The following ADAM23 variants were observed in gnomAD, a reference collection of about 807,000 sequenced individuals.
ADAM23 encodes disintegrin and metalloproteinase domain-containing protein 23.
In ADAM23, 33 loss-of-function variants were observed where a neutral mutation model predicts 120.1. The observed-to-expected ratio is 0.27, with a 90% CI of 0.21 to 0.37. The LOEUF is 0.37. Ranked by LOEUF, ADAM23 falls within the 10% of genes least tolerant of loss-of-function variation. ADAM23 has a pLI of 1.00. For missense variants in ADAM23, 862 were observed against 1,058.2 expected (o/e 0.81, Z 2.57); for synonymous variants, 367 against 375.2 (o/e 0.98, Z 0.25).
At chr2:206,489,922 A>G (rs1460413049) in intron 3 of ADAM23, among the ~76,000 whole-genome samples, 2 of 152,226 alleles carry the variant, frequency 1.3e-5, no homozygotes, top group Non-Finnish European at 2.9e-5. Flanking sequence ...AGGATTGAAA[A>G]TAATGCTGTT....
At chr2:206,575,441 A>AT (rs1376703423) in intron 18 of ADAM23, among the ~76,000 whole-genome samples, 5 of 152,114 alleles carry the variant, frequency 3.3e-5, no homozygotes, top group Non-Finnish European at 7.3e-5. Flanking sequence ...GGGTATTTAG[A>AT]TTTTGGCAGT....
chr2:206,523,209 A>G (rs949453248), intron 3 of ADAM23, among the ~76,000 whole-genome samples: 4 of 152,176 alleles, frequency 2.6e-5, no homozygotes, highest in African/African-American at 9.7e-5. Flanking sequence ...ATTATGGCTA[A>G]TGGGACCATT....
intron 24 of ADAM23, among the ~76,000 whole-genome samples, chr2:206,602,714 A>G (rs913350380): frequency 6.6e-6 from 1 of 152,220 alleles, no homozygotes; most frequent in African/African-American, 2.4e-5. Context: ...AAATGTCTGA[A>G]GCATGACATG....
At chr2:206,496,174 A>C (rs577667094) in intron 3 of ADAM23, among the ~76,000 whole-genome samples, 14 of 152,176 alleles carry the variant, frequency 9.2e-5, no homozygotes, top group South Asian at 2.1e-4. Flanking sequence ...ACAGAACTCT[A>C]CACCCCAAAT....
chr2:206,488,442 C>T (rs1437551215), intron 3 of ADAM23, among the ~76,000 whole-genome samples: 2 of 152,042 alleles, frequency 1.3e-5, no homozygotes, highest in Admixed American at 6.6e-5. Context: ...GTTTTGGGTC[C>T]CCTGGTAGCA....
In ADAM23 at chr2:206,443,966, C is replaced by T. The variant is rs1173839349; in HGVS notation, c.100C>T (p.Pro34Ser). The T allele has an allele frequency of 9.7e-6, 13 of 1,337,400 alleles. No homozygotes were observed. In the Admixed American group the frequency reaches 1.2e-4, roughly 12 times the overall value. The allele number at this position is 1,337,400 out of a possible 1,614,324, so 82.8% of individuals were successfully genotyped here. ...GPQRGPAGSV[P>S]ASAPARTPPC... is the part of the protein sequence containing the mutation. ...CCAACGCGGCCCCGCCGGCTCGGTGCCTGCCAGCGCCCCGGCCCGCACGCC... is the reference window on the plus strand; with the variant it reads ...CCAACGCGGCCCCGCCGGCTCGGTGTCTGCCAGCGCCCCGGCCCGCACGCC... Residue 34 changes from proline to serine, a missense_variant, in exon 1 of 26, where the codon CCT becomes TCT. Pro to Ser is a moderately conservative substitution (Grantham distance 74). Around this residue, in one of 4 missense-constraint regions of ADAM23, gnomAD observed 225 missense variants for 204.0 expected, o/e 1.10. Transcript: ENST00000264377.
intron 8 of ADAM23, 80 bp from the exon 9 acceptor site, chr2:206,550,015 C>G (rs544891017): frequency 6.2e-6 from 5 of 812,682 alleles, no homozygotes; most frequent in Non-Finnish European, 9.3e-6. Flanking sequence ...AATTCAAAGT[C>G]TTATCTACAA....
intron 24 of ADAM23, among the ~76,000 whole-genome samples, chr2:206,608,563 CATTATT>C (rs545632632): frequency 6.6e-6 from 1 of 151,496 alleles, no homozygotes; most frequent in East Asian, 1.9e-4. Flanking sequence ...TTATGGCTCT[CATTATT>C]ATTATTATTA....
At chr2:206,524,328 C>A (rs1696902703) in intron 3 of ADAM23, among the ~76,000 whole-genome samples, 3 of 152,178 alleles carry the variant, frequency 2.0e-5, no homozygotes, top group Admixed American at 2.0e-4. Context: ...TGGCTAGTCA[C>A]CACCTGACAA....
intron 3 of ADAM23, among the ~76,000 whole-genome samples, chr2:206,499,623 A>G (rs191502289): frequency 6.6e-6 from 1 of 152,198 alleles, no homozygotes; most frequent in East Asian, 1.9e-4. Flanking sequence ...CATGTACCCT[A>G]AAACTTAAAG....
chr2:206,480,670 C>T (rs2105877543), intron 2 of ADAM23, among the ~76,000 whole-genome samples: 1 of 152,132 alleles, frequency 6.6e-6, no homozygotes, highest in South Asian at 2.1e-4. Context: ...TATTTATAAA[C>T]ATATGACTCT....
chr2:206,471,330 A>G (rs1052552654), intron 2 of ADAM23, among the ~76,000 whole-genome samples: 12 of 152,216 alleles, frequency 7.9e-5, no homozygotes, highest in Admixed American at 3.3e-4. Context: ...TGTAGTCATC[A>G]TAAAGACTCA....
chr2:206,508,655 CAAAAAAAAAA>C (rs34489352), intron 3 of ADAM23, among the ~76,000 whole-genome samples: 12 of 100,930 alleles, frequency 1.2e-4, no homozygotes, highest in African/African-American at 1.6e-4. Context: ...ACTCTGTCTC[CAAAAAAAAAA>C]AAAAAAAGAA....
At chr2:206,545,766 C>T (rs1054988785) in intron 6 of ADAM23, among the ~76,000 whole-genome samples, 4 of 152,096 alleles carry the variant, frequency 2.6e-5, no homozygotes, top group African/African-American at 9.7e-5. Flanking sequence ...TATCTCACTC[C>T]AGTAAGGAAA....
chr2:206,597,701 AAC>A (rs1698556765), intron 24 of ADAM23, among the ~76,000 whole-genome samples: 1 of 152,192 alleles, frequency 6.6e-6, no homozygotes, highest in South Asian at 2.1e-4. Flanking sequence ...TGGTACTGCT[AAC>A]AGTTTTTTTG....
intron 2 of ADAM23, among the ~76,000 whole-genome samples, chr2:206,456,439 C>T (rs1388913327): frequency 6.6e-6 from 1 of 152,074 alleles, no homozygotes; most frequent in Admixed American, 6.6e-5. Context: ...ATCATATCAA[C>T]CCTGGACTGG....
rs1037225658 is a variant in ADAM23, at chr2:206,443,783, G to A, written c.-84G>A. 110 of 788,892 alleles carry A rather than the reference G, an allele frequency of 1.4e-4. 1 individual carries two copies. The African/African-American group carries it at 2.0e-3, about 14-fold the overall frequency. The allele number at this position is 788,892 out of a possible 1,614,324, so 48.9% of individuals were successfully genotyped here. ...GCGGCACCATGCGCGCCGAGCCGGC[G>A]TGACCGGCTCCGCCCGCGGCCGCCC... On this transcript the variant is annotated 5_prime_UTR_variant, in exon 1 of 26. It adds an upstream start codon to the 5' untranslated region. Transcript: ENST00000264377.
At chr2:206,481,716 T>G (rs1265528775) in intron 3 of ADAM23, among the ~76,000 whole-genome samples, 1 of 152,224 alleles carries the variant, frequency 6.6e-6, no homozygotes, top group Admixed American at 6.5e-5. Context: ...ACAGAGTAAG[T>G]GATGACTTGC....
intron 3 of ADAM23, among the ~76,000 whole-genome samples, chr2:206,497,469 T>C (rs897693691): frequency 6.6e-6 from 1 of 152,044 alleles, no homozygotes; most frequent in Non-Finnish European, 1.5e-5. Flanking sequence ...ATGCTAAAAA[T>C]TCTCAATAAA....
Sources: allele counts gnomAD v4.1 joint callset (sites outside exome capture counted in the v4.1 genomes callset), GRCh38; gene constraint gnomAD v4.1.1; regional missense constraint gnomAD v4.1.1; transcripts MANE v1.5; gene names NCBI Gene and HGNC (gene_info 2026-07-23, HGNC 2026-07-21).